Variants in SLC9A8 observed in about 807,000 individuals in gnomAD.
The protein encoded by SLC9A8 is solute carrier family 9 member A8, also known as sodium/hydrogen exchanger 8.
A neutral mutation model predicts 66.6 loss-of-function variants in SLC9A8; 48 were observed. The ratio of observed to expected loss-of-function variants is 0.72; its 90% CI spans 0.57 to 0.92. The LOEUF is 0.92. Among genes scored for constraint, SLC9A8 ranks in the 40% least tolerant of loss-of-function variants. The pLI, the probability that SLC9A8 is intolerant of heterozygous loss-of-function variation, is 0.00. For synonymous variants in SLC9A8, 274 were observed against 282.6 expected (o/e 0.97, Z 0.31); for missense variants, 599 against 747.3 (o/e 0.80, Z 2.31).
At chr20:49,839,184 G>A (rs530330585) in intron 3 of SLC9A8, among the ~76,000 whole-genome samples, 1 of 152,320 alleles carries the variant, frequency 6.6e-6, no homozygotes, top group African/African-American at 2.4e-5. Context: ...GAAATAAACA[G>A]TACACGGCAA....
At chr20:49,858,106 T>C (rs763850181) in intron 8 of SLC9A8, among the ~76,000 whole-genome samples, 7 of 152,194 alleles carry the variant, frequency 4.6e-5, no homozygotes, top group Non-Finnish European at 1.0e-4. Flanking sequence ...ACCCCAAATA[T>C]TGTACTCTAT....
At chr20:49,816,767 C>T (rs986034010) in intron 2 of SLC9A8, among the ~76,000 whole-genome samples, 22 of 151,958 alleles carry the variant, frequency 1.4e-4, no homozygotes, top group African/African-American at 4.1e-4. Flanking sequence ...CTTGCTCTGT[C>T]GCCCAGGCTG....
At chr20:49,847,909 T>TTG (rs1257123108) in intron 5 of SLC9A8, among the ~76,000 whole-genome samples, 2 of 146,452 alleles carry the variant, frequency 1.4e-5, no homozygotes, top group Non-Finnish European at 3.0e-5. Context: ...ATTAATCTGT[T>TTG]TTTTTTTTTT....
chr20:49,819,331 GT>G (rs968273539), intron 2 of SLC9A8, among the ~76,000 whole-genome samples: 2 of 152,076 alleles, frequency 1.3e-5, no homozygotes, highest in African/African-American at 4.8e-5. Context: ...TTCTTGCTCG[GT>G]TTTTTTCCAA....
chr20:49,858,199 A>G (rs2088586408), intron 8 of SLC9A8, among the ~76,000 whole-genome samples: 2 of 152,104 alleles, frequency 1.3e-5, no homozygotes, highest in South Asian at 2.1e-4. Flanking sequence ...TGGGTTTACT[A>G]TGATCTACTT....
Position 49,860,458 on chromosome 20 carries a change from T to G in SLC9A8, c.714-2471T>G, listed in dbSNP as rs2088684808. Among the ~76,000 whole-genome samples the G allele has an allele frequency of 2.6e-5, 4 of 152,288 alleles. No homozygotes were observed. In the South Asian group the frequency reaches 8.3e-4, roughly 32 times the overall value. On this transcript the variant is annotated intron_variant, in intron 8 of 15. Transcript: ENST00000361573. ...GGGGCCTGGCATGGTGGTTCATGTCTGTAATCCCAGCACTTTGGGAGGCCA... is the reference window on the plus strand; with the variant it reads ...GGGGCCTGGCATGGTGGTTCATGTCGGTAATCCCAGCACTTTGGGAGGCCA...
Position 49,883,998 on chromosome 20 carries a change from G to A in SLC9A8, c.1423G>A (p.Asp475Asn), listed in dbSNP as rs1210482778. 3 of 1,613,506 alleles carry A rather than the reference G, an allele frequency of 1.9e-6. No individual in the cohort carries two copies. The highest frequency in any genetic ancestry group is 1.3e-5 in the African/African-American group (1 of 74,832). Residue 475 changes from aspartate (D) to asparagine (N), a missense_variant, in exon 14 of 16, where the codon GAC becomes AAC. Transcript: ENST00000361573. ...GSTMPLIRLM[D>N]IEDAKAHRRN... Reference sequence around the variant, plus strand: ...CACCATGCCCCTCATTCGCCTCATGGACATCGAGGACGCCAAGGCACACCG... The same window carrying A: ...CACCATGCCCCTCATTCGCCTCATGAACATCGAGGACGCCAAGGCACACCG...
chr20:49,825,222 GA>G (rs552800200), intron 3 of SLC9A8, among the ~76,000 whole-genome samples: 91 of 151,934 alleles, frequency 6.0e-4, no homozygotes, highest in Non-Finnish European at 1.2e-3. Context: ...TTGGAATAAA[GA>G]AAAAAAACCA....
At chr20:49,847,670 G>A (rs1475502197) in intron 5 of SLC9A8, among the ~76,000 whole-genome samples, 1 of 152,068 alleles carries the variant, frequency 6.6e-6, no homozygotes, top group Non-Finnish European at 1.5e-5. Context: ...ATTATCATCA[G>A]TTGATATGCA....
intron 10 of SLC9A8, among the ~76,000 whole-genome samples, chr20:49,874,270 AAAG>A (rs1306138179): frequency 3.9e-5 from 6 of 151,926 alleles, no homozygotes; most frequent in Non-Finnish European, 8.8e-5. Flanking sequence ...CCCCCAAAAA[AAAG>A]GGTGGGGGGG....
rs769515100 is a variant in SLC9A8, at chr20:49,850,850, T to A, written c.569+6T>A. ...AAACTCAACATGACAGACAGGTAAA[T>A]CCTTCATACTGTAACACCCATGCGA... On this transcript the variant is annotated splice_donor_region_variant and intron_variant, in intron 7 of 15. Coordinates refer to ENST00000361573, the MANE Select transcript of SLC9A8 (RefSeq NM_015266.3). 3.8e-6 allele frequency: 6 copies of A among 1,597,708 alleles called. No homozygotes were observed. In the African/African-American group the frequency reaches 5.4e-5, roughly 14 times the overall value.
At chr20:49,815,363 C>G (rs890398822) in intron 2 of SLC9A8, 174 bp downstream of exon 2, 5 of 440,372 alleles carry the variant, frequency 1.1e-5, no homozygotes, top group African/African-American at 1.0e-4. Flanking sequence ...AAACTCTCTT[C>G]TTTATAAAAT....
intron 5 of SLC9A8, among the ~76,000 whole-genome samples, chr20:49,847,507 G>T (rs1047277262): frequency 1.3e-5 from 2 of 151,670 alleles, no homozygotes; most frequent in African/African-American, 4.8e-5. Context: ...TTATATGAAA[G>T]GGACTGATAG....
intron 3 of SLC9A8, among the ~76,000 whole-genome samples, chr20:49,836,246 T>A (rs2087530159): frequency 6.6e-6 from 1 of 152,232 alleles, no homozygotes; most frequent in South Asian, 2.1e-4. Flanking sequence ...GTACCAGTAC[T>A]TCATTCCTTT....
At chr20:49,887,252 G>T (rs920852887) in intron 15 of SLC9A8, among the ~76,000 whole-genome samples, 1 of 152,176 alleles carries the variant, frequency 6.6e-6, no homozygotes, top group East Asian at 1.9e-4. Flanking sequence ...CAGGGCTCTG[G>T]TTCTGTCCCT....
chr20:49,841,860 G>A (rs2087775757), intron 4 of SLC9A8, among the ~76,000 whole-genome samples: 1 of 151,850 alleles, frequency 6.6e-6, no homozygotes, highest in Non-Finnish European at 1.5e-5. Flanking sequence ...CTCCCAAAGT[G>A]CTGGGAGTAC....
chr20:49,874,539 GA>G (rs1448693222), intron 10 of SLC9A8, among the ~76,000 whole-genome samples, 165 bp from the exon 11 acceptor site: 1 of 152,132 alleles, frequency 6.6e-6, no homozygotes, highest in Admixed American at 6.6e-5. Flanking sequence ...AGAGCGAAGG[GA>G]CCCATAGTAT....
At chr20:49,874,568 G>A (rs2089347103) in intron 10 of SLC9A8, 137 bp from the exon 11 acceptor site, 1 of 673,022 alleles carries the variant, frequency 1.5e-6, no homozygotes, top group African/African-American at 1.8e-5. Context: ...GAAGCCTCTG[G>A]GAGGCTTCAG....
chr20:49,883,756 G>T, intron 13 of SLC9A8, 90 bp from the exon 14 acceptor site: 1 of 1,011,762 alleles, frequency 9.9e-7, no homozygotes, highest in Non-Finnish European at 1.5e-6. Flanking sequence ...AGCTGGTCGT[G>T]GTGCTGGGCC....
Sources: gnomAD v4.1 joint callset for allele counts (sites outside exome capture counted in the v4.1 genomes callset) on GRCh38, gnomAD v4.1.1 for gene constraint, MANE v1.5 for transcripts, NCBI Gene and HGNC (gene_info 2026-07-23, HGNC 2026-07-21) for gene names.